LRP1: variants seen among roughly 807,000 people sequenced by gnomAD.
LRP1 encodes the protein prolow-density lipoprotein receptor-related protein 1.
Under a neutral mutation model 541.5 loss-of-function variants are expected in LRP1, and 51 were observed. The observed-to-expected ratio is 0.09, with a 90% CI of 0.08 to 0.12. The LOEUF (loss-of-function observed/expected upper bound fraction) is 0.12, where lower values mean the gene tolerates loss of function less well. Ranked by LOEUF, LRP1 falls within the 10% of genes least tolerant of loss-of-function variation. LRP1 has a pLI of 1.00. For synonymous variants in LRP1, 2,219 were observed against 2,470.8 expected (o/e 0.90, Z 3.02); for missense variants, 3,878 against 6,376.2 (o/e 0.61, Z 13.34).
In LRP1 at chr12:57,162,229, C is replaced by A; in HGVS notation, c.2203-88C>A. ...AACAAAGCAAAACCCATGCCCAGGA[C>A]ATAGACAAATGAATGTACAAAACAG... On this transcript the variant is annotated intron_variant, in intron 13 of 88. Coordinates refer to ENST00000243077, the MANE Select transcript of LRP1 (RefSeq NM_002332.3). The surrounding 1 kb of genome is among the most constrained non-coding windows in gnomAD (Gnocchi z 5.2). The A allele has an allele frequency of 8.6e-7, 1 of 1,156,408 alleles. No homozygotes were observed. The highest frequency in any genetic ancestry group is 1.3e-6 in the Non-Finnish European group (1 of 770,488). 71.6% of individuals were successfully genotyped at this position (1,156,408 alleles called of 1,614,324 possible).
chr12:57,195,119 G>A lies in LRP1; in HGVS notation c.8308+18G>A, dbSNP rs769160767. 3 of 1,609,248 alleles carry A rather than the reference G, an allele frequency of 1.9e-6. No homozygotes were observed. ...TCACTGTGGTAAGGAAGCTGGGATT[G>A]GGCCGGGGGAGGTGCCCCAGGGAGG... is the stretch of plus-strand genomic sequence containing the variant. On this transcript the variant is annotated intron_variant, in intron 51 of 88. Transcript: ENST00000243077.
chr12:57,144,844 A>G (rs914420112), intron 4 of LRP1, 128 bp from the exon 5 acceptor site: 2 of 925,478 alleles, frequency 2.2e-6, no homozygotes, highest in African/African-American at 1.6e-5. Context: ...TTCATGCTGT[A>G]ATAGATTCTG....
rs1375726060 is a variant in LRP1, at chr12:57,210,796, A to G, written c.12833A>G (p.Asn4278Ser). The G allele has an allele frequency of 1.2e-6, 2 of 1,613,606 alleles. No homozygotes were observed. The highest frequency in any genetic ancestry group is 1.3e-5 in the African/African-American group (1 of 75,064). The change falls in exon 83 of 89, where the codon AAC becomes AGC. Residue 4278 changes from asparagine to serine, a missense_variant. Asn to Ser is a conservative substitution (Grantham distance 46, BLOSUM62 1). This residue lies in a region of LRP1 where 871 missense variants were observed against 1,212.4 expected (regional missense o/e 0.72). Transcript: ENST00000243077. The stretch of plus-strand genomic sequence containing the variant: ...CAGGTGTGTGCGGGCTACTGTGCCA[A>G]CAACAGCACCTGCACTGTCAACCAG... ...TQQVCAGYCA[N>S]NSTCTVNQGN... is the part of the protein sequence containing the mutation.
chr12:57,194,635 C>T lies in LRP1; in HGVS notation c.8127C>T (p.Ile2709=), dbSNP rs370209579. Residue 2709 remains isoleucine, a synonymous_variant, in exon 50 of 89, where the codon ATC becomes ATT. Transcript: ENST00000243077. ...NYFACPSGRC[I]PMSWTCDKED... ...TCGCCTGCCCTAGTGGGCGCTGCAT[C>T]CCCATGAGCTGGACGTGTGACAAAG... 1.9e-6 allele frequency: 3 copies of T among 1,607,816 alleles called. No individual in the cohort carries two copies. The highest frequency in any genetic ancestry group is 2.5e-6 in the Non-Finnish European group (3 of 1,177,834).
At chr12:57,199,125 G>T in intron 60 of LRP1, 87 bp from the exon 61 acceptor site, 1 of 1,231,936 alleles carries the variant, frequency 8.1e-7, no homozygotes, top group Non-Finnish European at 1.2e-6. Flanking sequence ...CTCTCAGGGT[G>T]GTGGTAGGGC....
rs992873900 is a variant in LRP1 at position 57,197,438 on chromosome 12, C to T, written c.9162+54C>T. ...GCCCATCTCCCAGACCCAGCACAGC[C>T]TCCCTTGCAAGTCTCCCCGCTTAGG... is the stretch of plus-strand genomic sequence containing the variant. On this transcript the variant is annotated intron_variant, in intron 57 of 88. Coordinates refer to ENST00000243077, the MANE Select transcript of LRP1 (RefSeq NM_002332.3). This position sits in a 1 kb window ranked among gnomAD's most constrained non-coding sequence, Gnocchi z 4.5. 5 of 1,609,988 alleles carry T rather than the reference C, an allele frequency of 3.1e-6. No homozygotes were observed. The highest frequency in any genetic ancestry group is 4.2e-6 in the Non-Finnish European group (5 of 1,176,900).
intron 1 of LRP1, among the ~76,000 whole-genome samples, chr12:57,131,088 G>T (rs2035028847): frequency 6.6e-6 from 1 of 152,084 alleles, no homozygotes; most frequent in South Asian, 2.1e-4. Context: ...CTTGCCTCAG[G>T]GTCCATCAAC....
chr12:57,160,080 C>T, intron 12 of LRP1, 75 bp downstream of exon 12: 1 of 1,466,014 alleles, frequency 6.8e-7, no homozygotes, highest in Non-Finnish European at 9.4e-7. Flanking sequence ...ATGAAATGGA[C>T]AGGGAAGCAG....
intron 41 of LRP1, among the ~76,000 whole-genome samples, chr12:57,186,799 C>G (rs2036279768): frequency 6.6e-6 from 1 of 152,268 alleles, no homozygotes; most frequent in Non-Finnish European, 1.5e-5. Flanking sequence ...ACACTCTAGT[C>G]TTTTCTCTTA....
rs1234335357 is a variant in LRP1, at chr12:57,156,949, C to A, written c.1561+29C>A. The A allele has an allele frequency of 1.3e-6, 2 of 1,537,966 alleles. No homozygotes were observed. The highest frequency in any genetic ancestry group is 1.3e-5 in the African/African-American group (1 of 74,148). On this transcript the variant is annotated intron_variant, in intron 10 of 88. Coordinates refer to ENST00000243077, the MANE Select transcript of LRP1 (RefSeq NM_002332.3). This position sits in a 1 kb window ranked among gnomAD's most constrained non-coding sequence, Gnocchi z 5.2. ...AGTGACAGGGAAGGGGGTGTGTGCCCATTGGGAGGCTGCGGGAGGGTTCCT... is the reference window on the plus strand; with the variant it reads ...AGTGACAGGGAAGGGGGTGTGTGCCAATTGGGAGGCTGCGGGAGGGTTCCT...
rs1265737847 is a variant in LRP1 at position 57,178,062 on chromosome 12, C to CT, written c.4362-292dup. 1.3e-5 allele frequency among the ~76,000 whole-genome samples: 2 copies of CT among 151,716 alleles called. No homozygotes were observed. The highest frequency in any genetic ancestry group is 1.5e-5 in the Non-Finnish European group (1 of 67,948). On this transcript the variant is annotated intron_variant, in intron 26 of 88. Transcript: ENST00000243077. This position sits in a 1 kb window ranked among gnomAD's most constrained non-coding sequence, Gnocchi z 5.8. ...CCCCCGGGGTTCACGCTGAGGGTGC[C>CT]TTTTTCTGACTTTCATCAAAGCCCT...
rs775730672 is a variant in LRP1 at position 57,177,518 on chromosome 12, A to T, written c.4288A>T (p.Thr1430Ser). Residue 1430 changes from threonine (T) to serine (S), a missense_variant, in exon 26 of 89, where the codon ACC becomes TCC. Thr to Ser is a moderately conservative substitution (Grantham distance 58). Around this residue, in one of 13 missense-constraint regions of LRP1, gnomAD observed 16 missense variants for 18.4 expected, o/e 0.87. Transcript: ENST00000243077. This position sits in a 1 kb window ranked among gnomAD's most constrained non-coding sequence, Gnocchi z 6.8. ...TGGGCGCCGCACCGTGCACCGGGAGACCGGCTCTGGGGGCTGGCCCAACGG... is the reference window on the plus strand; with the variant it reads ...TGGGCGCCGCACCGTGCACCGGGAGTCCGGCTCTGGGGGCTGGCCCAACGG... Reference protein sequence around the residue: ...GAGRRTVHRETGSGGWPNGLT... With the variant: ...GAGRRTVHRESGSGGWPNGLT... 2 of 1,613,834 alleles carry T rather than the reference A, an allele frequency of 1.2e-6. No individual in the cohort carries two copies. Among genetic ancestry groups the T allele is most frequent in the Non-Finnish European group, 1.7e-6 (2 of 1,180,030 alleles).
chr12:57,175,743 C>G, intron 23 of LRP1, 38 bp downstream of exon 23: 1 of 1,550,034 alleles, frequency 6.5e-7, no homozygotes, highest in African/African-American at 1.4e-5. Context: ...CAGGCCGAGG[C>G]AGGCCTCTGA....
intron 10 of LRP1, among the ~76,000 whole-genome samples, chr12:57,157,844 T>A (rs1310688718): frequency 1.3e-5 from 2 of 151,812 alleles, no homozygotes; most frequent in Admixed American, 1.3e-4. Flanking sequence ...CGGGGCTGAG[T>A]GGTGTGAGGG....
intron 6 of LRP1, among the ~76,000 whole-genome samples, chr12:57,151,957 C>T (rs755990503): frequency 2.3e-4 from 35 of 152,190 alleles, no homozygotes; most frequent in Non-Finnish European, 4.4e-4. Flanking sequence ...GGAGGCCAGG[C>T]AGGCCGAGGA....
intron 44 of LRP1, among the ~76,000 whole-genome samples, chr12:57,192,485 G>A (rs926304660): frequency 2.6e-5 from 4 of 152,000 alleles, no homozygotes; most frequent in Admixed American, 2.6e-4. Flanking sequence ...ATGCCCCAGC[G>A]CCCCCCACCA....
At chr12:57,169,663 T>C (rs2035907797) in intron 20 of LRP1, among the ~76,000 whole-genome samples, 2 of 152,208 alleles carry the variant, frequency 1.3e-5, no homozygotes. Context: ...ATCACAGCGC[T>C]GATGTGGGAG....
chr12:57,154,748 G>C lies in LRP1; in HGVS notation c.1227+47G>C. 1 of 1,516,990 alleles carries C rather than the reference G, an allele frequency of 6.6e-7. No homozygotes were observed. Among genetic ancestry groups the C allele is most frequent in the Non-Finnish European group, 9.0e-7 (1 of 1,116,200 alleles). The allele number at this position is 1,516,990 out of a possible 1,614,324, so 94.0% of individuals were successfully genotyped here. On this transcript the variant is annotated intron_variant, in intron 8 of 88. Transcript: ENST00000243077. The surrounding 1 kb of genome is among the most constrained non-coding windows in gnomAD (Gnocchi z 4.6). ...GTTTTGTGGGGGAACCATGATCCAG[G>C]GCCTTCTGGTGAGGGGGGAAGCCTC...
intron 1 of LRP1, among the ~76,000 whole-genome samples, chr12:57,132,499 C>T (rs953936226): frequency 2.0e-5 from 3 of 152,196 alleles, no homozygotes; most frequent in Non-Finnish European, 2.9e-5. Flanking sequence ...ACAGATCTTG[C>T]TCCCACCCTA....
Sources: gnomAD v4.1 joint callset for allele counts (sites outside exome capture counted in the v4.1 genomes callset) on GRCh38, gnomAD v4.1.1 for gene constraint, gnomAD v4.1.1 regional missense constraint, Gnocchi (gnomAD v3.1) non-coding constraint, MANE v1.5 for transcripts, NCBI Gene and HGNC (gene_info 2026-07-23, HGNC 2026-07-21) for gene names.